The following PIWIL1 variants were observed in gnomAD, a reference collection of about 807,000 sequenced individuals.
The protein encoded by PIWIL1 is piwi-like protein 1.
A neutral mutation model predicts 114.4 loss-of-function variants in PIWIL1; 73 were observed. The ratio of observed to expected loss-of-function variants is 0.64; its 90% confidence interval spans 0.53 to 0.78. The LOEUF (loss-of-function observed/expected upper bound fraction) is 0.78, where lower values mean the gene tolerates loss of function less well. PIWIL1 is among the 30% of genes least tolerant of loss of function. PIWIL1 has a pLI of 0.00. For synonymous variants in PIWIL1, 375 were observed against 369.0 expected, an observed-to-expected ratio of 1.02 and a Z score of -0.19; for missense variants, 723 against 1,063.1, an observed-to-expected ratio of 0.68 and a Z score of 4.45.
At chr12:130,359,519 A>T (rs1465967850) in intron 14 of PIWIL1, among the ~76,000 whole-genome samples, 1 of 152,168 alleles carries the variant, frequency 6.6e-6, no homozygotes, top group Non-Finnish European at 1.5e-5. Context: ...TCTCACAAGT[A>T]GTCCTTTTAT....
the PIWIL1 span, among the ~76,000 whole-genome samples, chr12:130,423,094 A>G: frequency 6.6e-6 from 1 of 152,244 alleles, no homozygotes; most frequent in Non-Finnish European, 1.5e-5. Context: ...AATGCTGGTA[A>G]CATTCTAGGA....
chr12:130,352,595 G>A (rs149885475), intron 9 of PIWIL1, among the ~76,000 whole-genome samples: 70 of 152,268 alleles, frequency 4.6e-4, no homozygotes, highest in Non-Finnish European at 8.5e-4. Context: ...AGGAGGAATC[G>A]CTGGAACTCG....
At chr12:130,423,748 A>G in the PIWIL1 span, among the ~76,000 whole-genome samples, 1 of 151,420 alleles carries the variant, frequency 6.6e-6, no homozygotes. Flanking sequence ...CTCCAAAATA[A>G]CAAGGAAAAA....
intron 1 of PIWIL1, among the ~76,000 whole-genome samples, chr12:130,339,127 G>C (rs1276350683): frequency 6.6e-6 from 1 of 152,122 alleles, no homozygotes; most frequent in African/African-American, 2.4e-5. Flanking sequence ...TTGGGAGCCG[G>C]ACGTTGGGAA....
At chr12:130,342,754 C>T in intron 2 of PIWIL1, 85 bp downstream of exon 2, 1 of 1,069,088 alleles carries the variant, frequency 9.4e-7, no homozygotes, top group South Asian at 1.3e-5. Flanking sequence ...AAAAACTGTG[C>T]TGGGAAGGAT....
At chr12:130,341,225 C>A (rs913154134) in intron 1 of PIWIL1, among the ~76,000 whole-genome samples, 3 of 152,230 alleles carry the variant, frequency 2.0e-5, no homozygotes, top group Non-Finnish European at 4.4e-5. Flanking sequence ...ACTCCCCTTG[C>A]CCCTTCTCTT....
At chr12:130,424,652 G>A in the PIWIL1 span, 3 of 1,232,002 alleles carry the variant, frequency 2.4e-6, no homozygotes, top group African/African-American at 1.6e-5. This position sits in a 1 kb window ranked among gnomAD's most constrained non-coding sequence, Gnocchi z 9.8. Flanking sequence ...CGTCGCCCCT[G>A]TAGGGCCTGC....
the PIWIL1 span, among the ~76,000 whole-genome samples, chr12:130,392,043 T>C: frequency 1.0e-4 from 15 of 148,148 alleles, no homozygotes; most frequent in African/African-American, 3.5e-4. Flanking sequence ...CTGGTGAATA[T>C]TGAATGTTGT....
the PIWIL1 span, among the ~76,000 whole-genome samples, chr12:130,382,156 T>A: frequency 6.6e-6 from 1 of 151,854 alleles, no homozygotes; most frequent in Non-Finnish European, 1.5e-5. Context: ...AGGTGTTTGA[T>A]GTTTGGGTAA....
chr12:130,348,259 G>A lies in PIWIL1; in HGVS notation c.734+76G>A, dbSNP rs2073123724. 8 of 812,120 alleles carry A rather than the reference G, an allele frequency of 9.9e-6. No homozygotes were observed. In the South Asian group the frequency reaches 1.4e-4, roughly 14 times the overall value. 50.3% of individuals were successfully genotyped at this position (812,120 alleles called of 1,614,324 possible). ...TTGAGACGATAACCTAATTTGAAATGGTCAAATTTACTACAGTGACTGTTA... is the reference window on the plus strand; with the variant it reads ...TTGAGACGATAACCTAATTTGAAATAGTCAAATTTACTACAGTGACTGTTA... On this transcript the variant is annotated intron_variant, in intron 7 of 20. Coordinates refer to ENST00000245255, the MANE Select transcript of PIWIL1 (RefSeq NM_004764.5).
At chr12:130,424,556 CCT>C in the PIWIL1 span, 10 of 1,231,972 alleles carry the variant, frequency 8.1e-6, no homozygotes, top group East Asian at 9.5e-5. The surrounding 1 kb of genome is among the most constrained non-coding windows in gnomAD (Gnocchi z 9.8). Flanking sequence ...ACCGACAGCC[CCT>C]GTCTTCCAGA....
At position 130,337,948 on chromosome 12, in the gene PIWIL1, CG is replaced by C; in HGVS notation, c.-208del. 6.2e-6 allele frequency: 1 copy of C among 162,172 alleles called. No homozygotes were observed. Among genetic ancestry groups the C allele is most frequent in the Non-Finnish European group, 1.3e-5 (1 of 74,938 alleles). The allele number at this position is 162,172 out of a possible 1,614,324, so 10.0% of individuals were successfully genotyped here. A position where few individuals can be genotyped will look rare whatever the true frequency, so the allele number is the denominator to read the frequency against. ...GCCCGGGAGGCGGTGTTCATCCGCC[CG>C]GGAAAAGAGCGCCTGTTGCTCGCTG... On this transcript the variant is annotated 5_prime_UTR_variant, in exon 1 of 21. It introduces an in-frame stop codon into an upstream open reading frame of the 5' UTR. Transcript: ENST00000245255.
intron 9 of PIWIL1, chr12:130,351,811 A>T (rs2073219432): frequency 6.6e-6 from 1 of 152,030 alleles, no homozygotes; most frequent in Non-Finnish European, 1.5e-5. Context: ...TTTATAATTC[A>T]TTTAACAAGT....
chr12:130,422,369 T>G, the PIWIL1 span: 4 of 906,686 alleles, frequency 4.4e-6, no homozygotes, highest in African/African-American at 3.3e-5. This position sits in a 1 kb window ranked among gnomAD's most constrained non-coding sequence, Gnocchi z 5.2. Flanking sequence ...ATGCTACTCC[T>G]AAAGTTTTGT....
intron 12 of PIWIL1, 55 bp from the exon 13 acceptor site, chr12:130,356,863 C>G: frequency 1.6e-6 from 2 of 1,284,954 alleles, no homozygotes; most frequent in Non-Finnish European, 2.2e-6. Context: ...GACTGTTTGG[C>G]TTGATCACTG....
chr12:130,374,951 C>T (rs1162167504), downstream of PIWIL1, among the ~76,000 whole-genome samples: 1 of 152,164 alleles, frequency 6.6e-6, no homozygotes, highest in Non-Finnish European at 1.5e-5. Flanking sequence ...TGTTGTCTCT[C>T]CTACACTTCT....
the PIWIL1 span, among the ~76,000 whole-genome samples, chr12:130,381,635 G>T: frequency 6.0e-4 from 92 of 152,298 alleles, no homozygotes; most frequent in African/African-American, 1.9e-3. Context: ...TCTCTGTGCG[G>T]GTTCTTGTAT....
chr12:130,364,797 T>A (rs972945638), intron 18 of PIWIL1, among the ~76,000 whole-genome samples: 3 of 152,166 alleles, frequency 2.0e-5, no homozygotes, highest in African/African-American at 7.2e-5. Flanking sequence ...CTTTTTTTCC[T>A]GCGATTTACT....
chr12:130,397,173 G>A, the PIWIL1 span: 1 of 358,478 alleles, frequency 2.8e-6, no homozygotes, highest in Non-Finnish European at 5.0e-6. Flanking sequence ...TGCCAGCGGT[G>A]ACAGAGAGCA....
Sources: allele counts gnomAD v4.1 joint callset (sites outside exome capture counted in the v4.1 genomes callset), GRCh38; gene constraint gnomAD v4.1.1; non-coding constraint Gnocchi (gnomAD v3.1); transcripts MANE v1.5; gene names NCBI Gene and HGNC (gene_info 2026-07-23, HGNC 2026-07-21).